The following ARK2C variants were observed in gnomAD, a reference collection of about 807,000 sequenced individuals.
ARK2C encodes the protein E3 ubiquitin-protein ligase ARK2C.
chr18:46,398,400 G>A, the ARK2C span, among the ~76,000 whole-genome samples: 1 of 152,022 alleles, frequency 6.6e-6, no homozygotes, highest in East Asian at 1.9e-4. Context: ...CAAGTGCCCC[G>A]AGCCTTCATC....
the ARK2C span, among the ~76,000 whole-genome samples, chr18:46,416,379 C>T: frequency 3.9e-5 from 6 of 152,146 alleles, no homozygotes; most frequent in African/African-American, 9.7e-5. Flanking sequence ...TCCCTCCATC[C>T]GTAAGCATCC....
the ARK2C span, among the ~76,000 whole-genome samples, chr18:46,397,453 GGT>G: frequency 4.0e-4 from 48 of 118,836 alleles, no homozygotes; most frequent in South Asian, 9.2e-4. Context: ...GGTGTGAGGG[GGT>G]GTGTGTGTGT....
the ARK2C span, among the ~76,000 whole-genome samples, chr18:46,355,466 G>A: frequency 1.3e-5 from 2 of 152,156 alleles, no homozygotes; most frequent in Admixed American, 6.5e-5. Flanking sequence ...CTTGCTGTCT[G>A]AAAGCCTTGG....
At chr18:46,435,147 G>A in the ARK2C span, 13 of 636,350 alleles carry the variant, frequency 2.0e-5, no homozygotes, top group African/African-American at 1.8e-4. Flanking sequence ...GAGTGGTGAA[G>A]CTCAGTGCTT....
the ARK2C span, among the ~76,000 whole-genome samples, chr18:46,420,393 G>A: frequency 1.3e-5 from 2 of 152,152 alleles, no homozygotes; most frequent in Non-Finnish European, 2.9e-5. Flanking sequence ...CCTGTCCACC[G>A]TATTCACAGG....
chr18:46,366,834 G>A, the ARK2C span, among the ~76,000 whole-genome samples: 2 of 152,230 alleles, frequency 1.3e-5, no homozygotes, highest in South Asian at 2.1e-4. Context: ...TAAGTCAGAC[G>A]CTGTGCTAGG....
the ARK2C span, among the ~76,000 whole-genome samples, chr18:46,409,760 C>T: frequency 1.3e-5 from 2 of 152,186 alleles, no homozygotes; most frequent in Admixed American, 6.5e-5. Context: ...GCCCTTCAGG[C>T]GTCTTGCTTT....
chr18:46,367,602 G>A, the ARK2C span, among the ~76,000 whole-genome samples: 1 of 152,192 alleles, frequency 6.6e-6, no homozygotes, highest in African/African-American at 2.4e-5. Flanking sequence ...GAGGTGGACT[G>A]TAACTTGGGT....
At chr18:46,460,541 A>AT in the ARK2C span, 1 of 152,398 alleles carries the variant, frequency 6.6e-6, no homozygotes, top group South Asian at 2.1e-4. Flanking sequence ...ATTATAATTT[A>AT]TTTATTTAGA....
the ARK2C span, among the ~76,000 whole-genome samples, chr18:46,362,424 T>C: frequency 2.8e-3 from 432 of 152,228 alleles, 1 homozygote; most frequent in African/African-American, 1.0e-2. Flanking sequence ...GGAGAGTGTG[T>C]TGAGGGGAGG....
the ARK2C span, among the ~76,000 whole-genome samples, chr18:46,415,504 C>T: frequency 7.3e-4 from 110 of 150,630 alleles, no homozygotes; most frequent in African/African-American, 2.6e-3. Flanking sequence ...CCAGCCTGGG[C>T]GACAGAACAA....
At chr18:46,428,339 G>A in the ARK2C span, among the ~76,000 whole-genome samples, 1 of 152,214 alleles carries the variant, frequency 6.6e-6, no homozygotes, top group African/African-American at 2.4e-5. Context: ...AACCTGGGAG[G>A]TGGAGATTGC....
At chr18:46,424,275 C>T in the ARK2C span, among the ~76,000 whole-genome samples, 6 of 151,978 alleles carry the variant, frequency 3.9e-5, no homozygotes, top group South Asian at 4.1e-4. Context: ...GAATGGCTGT[C>T]GAGGGCCCAG....
the ARK2C span, among the ~76,000 whole-genome samples, chr18:46,382,125 G>A: frequency 6.6e-6 from 1 of 152,302 alleles, no homozygotes; most frequent in East Asian, 1.9e-4. Context: ...TAAATTAGAG[G>A]CCATGAGGGT....
chr18:46,461,790 A>G, the ARK2C span: 1 of 152,234 alleles, frequency 6.6e-6, no homozygotes, highest in African/African-American at 2.4e-5. Context: ...TTTTTGTCCT[A>G]TAATATGTGG....
the ARK2C span, among the ~76,000 whole-genome samples, chr18:46,363,828 T>C: frequency 3.3e-5 from 5 of 152,284 alleles, no homozygotes; most frequent in South Asian, 6.2e-4. Flanking sequence ...CATGAATTCA[T>C]AGGGGCCACC....
At chr18:46,363,677 G>A in the ARK2C span, among the ~76,000 whole-genome samples, 1 of 152,176 alleles carries the variant, frequency 6.6e-6, no homozygotes, top group South Asian at 2.1e-4. Flanking sequence ...GAGACTTATG[G>A]GCTGCTTGAG....
the ARK2C span, chr18:46,433,295 A>G: frequency 6.2e-7 from 1 of 1,610,478 alleles, no homozygotes; most frequent in African/African-American, 1.3e-5. Context: ...CCGCTGGCCC[A>G]CCCCGTGCAG....
At chr18:46,395,547 T>A in the ARK2C span, among the ~76,000 whole-genome samples, 3 of 152,192 alleles carry the variant, frequency 2.0e-5, no homozygotes, top group Non-Finnish European at 4.4e-5. Context: ...AGGATGAGTT[T>A]GCTGGGGCTG....
Sources: gnomAD v4.1 joint callset for allele counts (sites outside exome capture counted in the v4.1 genomes callset) on GRCh38, gnomAD v4.1.1 for gene constraint, MANE v1.5 for transcripts, NCBI Gene and HGNC (gene_info 2026-07-23, HGNC 2026-07-21) for gene names.